Variants in B3GALT1 observed in about 807,000 individuals in gnomAD.
The protein encoded by B3GALT1 is UDP-Gal:betaGlcNAc beta 1,3-galactosyltransferase, polypeptide 1.
In B3GALT1, 10 loss-of-function variants were observed where a neutral mutation model predicts 23.2. The ratio of observed to expected loss-of-function variants is 0.43; its 90% CI spans 0.27 to 0.73. B3GALT1 has a LOEUF of 0.73. Ranked by LOEUF, B3GALT1 falls within the 30% of genes least tolerant of loss-of-function variation. B3GALT1 has a pLI of 0.21. For missense variants in B3GALT1, 299 were observed against 405.4 expected (o/e 0.74, Z 2.25); for synonymous variants, 156 against 141.5 (o/e 1.10, Z -0.73).
rs1181308631 is a variant in B3GALT1 at position 167,339,507 on chromosome 2, A to C, written c.-511+46173A>C. On this transcript the variant is annotated intron_variant, in intron 1 of 4. Transcript: ENST00000392690. ...ATGAATAATTTGGAGTGAGAGACTTATGTACAAGGACCTTCAATTTTACTT... is the reference window on the plus strand; with the variant it reads ...ATGAATAATTTGGAGTGAGAGACTTCTGTACAAGGACCTTCAATTTTACTT... 2.6e-5 allele frequency among the ~76,000 whole-genome samples: 4 copies of C among 152,112 alleles called. No homozygotes were observed. In the East Asian group the frequency reaches 7.7e-4, roughly 29 times the overall value.
intron 3 of B3GALT1, among the ~76,000 whole-genome samples, chr2:167,676,552 CACAT>C (rs1434525696): frequency 1.8e-3 from 242 of 131,464 alleles, no homozygotes; most frequent in African/African-American, 8.0e-3. Context: ...CACACACACA[CACAT>C]ATATATGTGT....
chr2:167,459,797 G>A (rs1339466882), intron 1 of B3GALT1, among the ~76,000 whole-genome samples: 1 of 152,140 alleles, frequency 6.6e-6, no homozygotes, highest in Non-Finnish European at 1.5e-5. Context: ...CAGTGGTAAT[G>A]AACTTTTGTT....
At chr2:167,485,170 A>G (rs1699609020) in intron 1 of B3GALT1, among the ~76,000 whole-genome samples, 1 of 152,120 alleles carries the variant, frequency 6.6e-6, no homozygotes, top group African/African-American at 2.4e-5. Context: ...GAGGGCTTAG[A>G]AATTTATTTT....
At chr2:167,622,792 T>C (rs971283401) in intron 2 of B3GALT1, among the ~76,000 whole-genome samples, 3 of 152,102 alleles carry the variant, frequency 2.0e-5, no homozygotes, top group Non-Finnish European at 4.4e-5. Flanking sequence ...TAAGCAAAGG[T>C]ATCCTGATGA....
chr2:167,556,359 A>G (rs1029155847), intron 2 of B3GALT1, among the ~76,000 whole-genome samples: 5 of 152,178 alleles, frequency 3.3e-5, no homozygotes, highest in Non-Finnish European at 5.9e-5. Flanking sequence ...ACTTTAATGT[A>G]GAAAATCTCT....
rs1390458386 is a variant in B3GALT1, at chr2:167,872,950, C to T, written c.*2930C>T. 1.3e-5 allele frequency: 2 copies of T among 152,076 alleles called. No individual in the cohort carries two copies. Among genetic ancestry groups the T allele is most frequent in the Non-Finnish European group, 2.9e-5 (2 of 68,012 alleles). The allele number at this position is 152,076 out of a possible 1,614,324, so 9.4% of individuals were successfully genotyped here. A position where few individuals can be genotyped will look rare whatever the true frequency, so the allele number is the denominator to read the frequency against. On this transcript the variant is annotated 3_prime_UTR_variant, in exon 5 of 5. Transcript: ENST00000392690. Reference sequence around the variant, plus strand: ...AGGCCATTTGTCCAGTGTTTCATAGCCTTAAGCATGTTTGCCCTTCGTTTT... The same window carrying T: ...AGGCCATTTGTCCAGTGTTTCATAGTCTTAAGCATGTTTGCCCTTCGTTTT...
chr2:167,841,546 A>G (rs992615116), intron 4 of B3GALT1, among the ~76,000 whole-genome samples: 3 of 152,256 alleles, frequency 2.0e-5, no homozygotes, highest in South Asian at 4.1e-4. Context: ...CCTGGCTGCA[A>G]TGATGTGACC....
chr2:167,807,673 T>A (rs551888719), intron 3 of B3GALT1, among the ~76,000 whole-genome samples: 2 of 152,368 alleles, frequency 1.3e-5, no homozygotes, highest in Admixed American at 6.5e-5. Flanking sequence ...CACTGTGGTC[T>A]GAAACACAGT....
intron 1 of B3GALT1, among the ~76,000 whole-genome samples, chr2:167,476,877 AAAGAG>A (rs1307838302): frequency 4.6e-5 from 7 of 152,222 alleles, no homozygotes; most frequent in African/African-American, 1.2e-4. Context: ...AATGTGAAGA[AAAGAG>A]AAAATACTTT....
intron 2 of B3GALT1, among the ~76,000 whole-genome samples, chr2:167,552,116 G>A (rs1259436351): frequency 6.6e-6 from 1 of 152,168 alleles, no homozygotes; most frequent in Non-Finnish European, 1.5e-5. Context: ...AAAATTCTCA[G>A]TATTGGAAGC....
intron 3 of B3GALT1, among the ~76,000 whole-genome samples, chr2:167,792,584 T>C (rs562058704): frequency 6.6e-6 from 1 of 152,320 alleles, no homozygotes; most frequent in East Asian, 1.9e-4. Context: ...AAGAGCATTT[T>C]AGGATACAAA....
At position 167,648,807 on chromosome 2, in the gene B3GALT1, T is replaced by C. The variant is rs117125975; in HGVS notation, c.-352+1841T>C. Among the ~76,000 whole-genome samples, 31 of 152,258 alleles carry C rather than the reference T, an allele frequency of 2.0e-4. 1 individual carries two copies. The East Asian group carries it at 5.4e-3, about 27-fold the overall frequency. ...TTGCTTTGCCTCATACTTCTGTTTT[T>C]CTTCCATTAGATTGACTACTACTGG... On this transcript the variant is annotated intron_variant, in intron 3 of 4. Transcript: ENST00000392690.
rs375132711 is a variant in B3GALT1, at chr2:167,479,263, T to C, written c.-510-10914T>C. ...AGGCAAAGGTTTAGTTCCAACAAAA[T>C]GTTCAGTAATATTAGCATTTATTAT... is the stretch of plus-strand genomic sequence containing the variant. On this transcript the variant is annotated intron_variant, in intron 1 of 4. Transcript: ENST00000392690. Among the ~76,000 whole-genome samples, 18 of 152,218 alleles carry C rather than the reference T, an allele frequency of 1.2e-4. No homozygotes were observed. In the East Asian group the frequency reaches 2.3e-3, roughly 20 times the overall value.
intron 1 of B3GALT1, among the ~76,000 whole-genome samples, chr2:167,425,963 T>C (rs1698616483): frequency 6.6e-6 from 1 of 152,194 alleles, no homozygotes; most frequent in African/African-American, 2.4e-5. Context: ...AGCACCTTTT[T>C]TTCATTCCCT....
chr2:167,570,133 C>T (rs1684263212), intron 2 of B3GALT1, among the ~76,000 whole-genome samples: 1 of 151,750 alleles, frequency 6.6e-6, no homozygotes, highest in Admixed American at 6.6e-5. Flanking sequence ...CCTCTTCTTA[C>T]ATTGTCTTTC....
At chr2:167,320,816 A>C (rs987329801) in intron 1 of B3GALT1, among the ~76,000 whole-genome samples, 1 of 152,104 alleles carries the variant, frequency 6.6e-6, no homozygotes, top group Admixed American at 6.5e-5. Flanking sequence ...GCCACTATGT[A>C]ATGGCTGTTT....
chr2:167,767,928 G>A (rs916687226), intron 3 of B3GALT1, among the ~76,000 whole-genome samples: 4 of 152,156 alleles, frequency 2.6e-5, no homozygotes, highest in Non-Finnish European at 4.4e-5. Flanking sequence ...AGTTCAGAGA[G>A]CTGAGAGCTG....
intron 2 of B3GALT1, among the ~76,000 whole-genome samples, chr2:167,589,575 CA>C (rs1684640066): frequency 6.6e-6 from 1 of 152,126 alleles, no homozygotes; most frequent in South Asian, 2.1e-4. Context: ...ACTTTGCCCA[CA>C]AATTTAATAT....
chr2:167,741,591 A>T (rs1222895046), intron 3 of B3GALT1, among the ~76,000 whole-genome samples: 1 of 152,188 alleles, frequency 6.6e-6, no homozygotes, highest in Admixed American at 6.5e-5. Flanking sequence ...TGCCAATTCT[A>T]AACAATGCCA....
Sources: gnomAD v4.1 joint callset for allele counts (sites outside exome capture counted in the v4.1 genomes callset) on GRCh38, gnomAD v4.1.1 for gene constraint, MANE v1.5 for transcripts, NCBI Gene and HGNC (gene_info 2026-07-23, HGNC 2026-07-21) for gene names.